CALCOCO1: variants seen among roughly 807,000 people sequenced by gnomAD.
CALCOCO1 encodes the protein calcium binding and coiled-coil domain 1, also known as calcium-binding and coiled-coil domain-containing protein 1.
Under a neutral mutation model 86.3 loss-of-function variants are expected in CALCOCO1, and 44 were observed. That is an observed-to-expected ratio of 0.51 (90% CI 0.40 to 0.66). The LOEUF (loss-of-function observed/expected upper bound fraction) is 0.66, where lower values mean the gene tolerates loss of function less well. Ranked by LOEUF, CALCOCO1 falls within the 30% of genes least tolerant of loss-of-function variation. The pLI, the probability that CALCOCO1 is intolerant of heterozygous loss-of-function variation, is 0.00. For synonymous variants in CALCOCO1, 297 were observed against 327.6 expected (o/e 0.91, Z 1.01); for missense variants, 708 against 851.1 (o/e 0.83, Z 2.09).
chr12:53,712,051 G>A lies in CALCOCO1; in HGVS notation c.1969C>T (p.Pro657Ser), dbSNP rs761372589. The change falls in exon 15 of 15, where the codon CCT becomes TCT. Residue 657 changes from proline (P) to serine (S), a missense_variant. Pro to Ser is a moderately conservative substitution (Grantham distance 74, BLOSUM62 -1). Coordinates refer to ENST00000550804, the MANE Select transcript of CALCOCO1 (RefSeq NM_020898.3). ...GCAGGAAAGCGCTCCTTACAGATAG[G>A]ACACTCCTTCCATGTGGGGGTGGCA... ...GPATPTWKEC[P>S]ICKERFPAES... 1.9e-6 allele frequency: 3 copies of A among 1,612,696 alleles called. No individual in the cohort carries two copies. In the East Asian group the frequency reaches 6.7e-5, roughly 36 times the overall value.
intron 13 of CALCOCO1, among the ~76,000 whole-genome samples, 175 bp from the exon 14 acceptor site, chr12:53,713,381 G>A (rs1029266408): frequency 6.6e-6 from 1 of 152,294 alleles, no homozygotes; most frequent in East Asian, 1.9e-4. Flanking sequence ...GAGAATGACT[G>A]TGGGGGAGAA....
In CALCOCO1 at chr12:53,714,657, G is replaced by T. The variant is rs1945675622; in HGVS notation, c.1423C>A (p.Leu475Met). The change falls in exon 11 of 15, where the codon CTG becomes ATG. Residue 475 changes from leucine to methionine, a missense_variant. Transcript: ENST00000550804. ...LSESKRELTE[L>M]RSALRVLQKE... is the part of the protein sequence containing the mutation. ...TGGAGCACACGCAGGGCTGACCGCA[G>T]CTCTGTCAGCTCCCGCTTACTTTCT... 6.2e-7 allele frequency: 1 copy of T among 1,613,894 alleles called. No individual in the cohort carries two copies. The highest frequency in any genetic ancestry group is 1.7e-5 in the Admixed American group (1 of 59,994).
In CALCOCO1 at chr12:53,711,677, C is replaced by G. The variant is rs1430304316; in HGVS notation, c.*267G>C. The stretch of plus-strand genomic sequence containing the variant: ...CTATTCCCACAGGGGAAGGCCTCCT[C>G]CATCCCGGTTCCTCCAAAACCACTT... On this transcript the variant is annotated 3_prime_UTR_variant, in exon 15 of 15. Coordinates refer to ENST00000550804, the MANE Select transcript of CALCOCO1 (RefSeq NM_020898.3). 5 of 370,940 alleles carry G rather than the reference C, an allele frequency of 1.3e-5. No homozygotes were observed. The highest frequency in any genetic ancestry group is 2.4e-5 in the Non-Finnish European group (5 of 207,390). The allele number at this position is 370,940 out of a possible 1,614,324, so 23.0% of individuals were successfully genotyped here. A position where few individuals can be genotyped will look rare whatever the true frequency, so the allele number is the denominator to read the frequency against.
intron 10 of CALCOCO1, 55 bp downstream of exon 10, chr12:53,715,145 G>A: frequency 6.3e-7 from 1 of 1,595,880 alleles, no homozygotes; most frequent in Non-Finnish European, 8.5e-7. Flanking sequence ...GAGAGAAGGG[G>A]TATGGATGCC....
At chr12:53,718,144 C>G (rs11170660) in intron 7 of CALCOCO1, among the ~76,000 whole-genome samples, 20,638 of 152,230 alleles carry the variant, frequency 0.14, 1,545 homozygotes, top group South Asian at 0.22. Context: ...ATAGTTTCTA[C>G]TGTATTTTCT....
chr12:53,712,262 C>T (rs34489875), intron 14 of CALCOCO1, 141 bp from the exon 15 acceptor site: 40,643 of 663,294 alleles, frequency 0.061, 1,644 homozygotes, highest in Non-Finnish European at 0.08. Flanking sequence ...TCTCCCACAG[C>T]GTCTTTCTCC....
At chr12:53,715,096 T>C (rs1189781191) in intron 10 of CALCOCO1, 104 bp downstream of exon 10, 17 of 1,367,858 alleles carry the variant, frequency 1.2e-5, no homozygotes, top group East Asian at 9.4e-5. Flanking sequence ...CCCAACATGG[T>C]AGTGGACACC....
chr12:53,715,368 A>G (rs1945697059), intron 9 of CALCOCO1, 43 bp from the exon 10 acceptor site: 1 of 1,612,692 alleles, frequency 6.2e-7, no homozygotes, highest in East Asian at 2.2e-5. Context: ...TGGAGGGGGA[A>G]GAAAAAGGAA....
intron 1 of CALCOCO1, chr12:53,725,684 C>T (rs1304057452): frequency 6.5e-6 from 1 of 153,370 alleles, no homozygotes. Context: ...AGAGAGGTGT[C>T]CTTACCTACT....
intron 4 of CALCOCO1, chr12:53,722,842 G>C: frequency 2.4e-6 from 1 of 408,388 alleles, no homozygotes; most frequent in Non-Finnish European, 4.7e-6. Context: ...AGGCTCAAAT[G>C]AGAATCACGA....
At position 53,722,020 on chromosome 12, in the gene CALCOCO1, CCCA is replaced by C. The variant is rs1945885082; in HGVS notation, c.609+2_609+4del. On this transcript the variant is annotated splice_donor_variant and splice_donor_region_variant and intron_variant, in intron 5 of 14. Coordinates refer to ENST00000550804, the MANE Select transcript of CALCOCO1 (RefSeq NM_020898.3). LOFTEE classifies it high-confidence loss of function. ...GCCCTGTCCCCTACCTGGCCCAGCT[CCCA>C]CCTTGTACTGTTCCATCAGCTCCGT... 1.4e-5 allele frequency: 22 copies of C among 1,612,470 alleles called. No homozygotes were observed. Among genetic ancestry groups the C allele is most frequent in the Non-Finnish European group, 1.8e-5 (21 of 1,180,032 alleles).
intron 6 of CALCOCO1, 116 bp downstream of exon 6, chr12:53,721,351 G>C: frequency 2.2e-6 from 2 of 910,174 alleles, no homozygotes; most frequent in South Asian, 3.6e-5. Context: ...GTGAGGGTGA[G>C]AGGGAAAGAG....
rs1945692260 is a variant in CALCOCO1, at chr12:53,715,262, C to A, written c.1324G>T (p.Glu442Ter). ...AACACTTGGTTTTGGGTCCTCTCCT[C>A]CTGAACTGCCTTCTCCAATCGAAGT... is the stretch of plus-strand genomic sequence containing the variant. ...EILRLEKAVQ[E>*]ERTQNQVFKT... The change falls in exon 10 of 15, where the codon GAG becomes TAG. Residue 442 changes from glutamate to a stop codon, truncating the protein, a stop_gained. Transcript: ENST00000550804. LOFTEE classifies it high-confidence loss of function. 3 of 1,614,016 alleles carry A rather than the reference C, an allele frequency of 1.9e-6. No homozygotes were observed. The highest frequency in any genetic ancestry group is 2.2e-5 in the East Asian group (1 of 44,872).
Position 53,719,796 on chromosome 12 carries a change from T to C in CALCOCO1, c.792A>G (p.Glu264=). ...TCAGTTGCCCAAGGAGCTTCTCTTGTTCCCGAGTCAGGGCCTTCACTGTGT... is the reference window on the plus strand; with the variant it reads ...TCAGTTGCCCAAGGAGCTTCTCTTGCTCCCGAGTCAGGGCCTTCACTGTGT... ...LRDTVKALTR[E]QEKLLGQLKE... is the part of the protein sequence containing the mutation. The change falls in exon 7 of 15, where the codon GAA becomes GAG. Residue 264 remains glutamate, a synonymous_variant. Transcript: ENST00000550804. The C allele has an allele frequency of 2.5e-6, 4 of 1,613,818 alleles. No homozygotes were observed. Among genetic ancestry groups the C allele is most frequent in the Non-Finnish European group, 3.4e-6 (4 of 1,179,786 alleles).
chr12:53,722,943 C>CAAAAAAAAA (rs58897806), intron 4 of CALCOCO1: 113 of 194,422 alleles, frequency 5.8e-4, no homozygotes, highest in East Asian at 1.3e-3. Context: ...AAGGCTGTCT[C>CAAAAAAAAA]AAAAAAAAAA....
In CALCOCO1 at chr12:53,713,874, C is replaced by G. The variant is rs761660061; in HGVS notation, c.1618G>C (p.Glu540Gln). ...CTCATGTCTTCTGGGGACTCGTCCT[C>G]TGAGTCTGTCAGAGCTGCCGGGCAG... ...LSCPAALTDS[E>Q]DESPEDMRLP... The change falls in exon 13 of 15, where the codon GAG (glutamate) becomes CAG (glutamine). Residue 540 changes from glutamate (E) to glutamine (Q), a missense_variant. Coordinates refer to ENST00000550804, the MANE Select transcript of CALCOCO1 (RefSeq NM_020898.3). 1 of 1,525,192 alleles carries G rather than the reference C, an allele frequency of 6.6e-7. No homozygotes were observed. Among genetic ancestry groups the G allele is most frequent in the South Asian group, 1.3e-5 (1 of 76,448 alleles). The allele number at this position is 1,525,192 out of a possible 1,614,324, so 94.5% of individuals were successfully genotyped here.
At chr12:53,719,871 C>T (rs760087426) in intron 6 of CALCOCO1, 42 bp from the exon 7 acceptor site, 5 of 1,394,650 alleles carry the variant, frequency 3.6e-6, no homozygotes, top group Non-Finnish European at 5.1e-6. Flanking sequence ...CTGCTCCACC[C>T]AGAGAAGGAA....
At chr12:53,712,992 G>T in intron 14 of CALCOCO1, 108 bp downstream of exon 14, 1 of 1,271,492 alleles carries the variant, frequency 7.9e-7, no homozygotes, top group Non-Finnish European at 1.1e-6. Context: ...TCTTGGCTGA[G>T]GCCAAGAAGG....
At position 53,719,723 on chromosome 12, in the gene CALCOCO1, A is replaced by ACT. The variant is rs1945817982; in HGVS notation, c.849+14_849+15dup. 1 of 1,591,280 alleles carries ACT rather than the reference A, an allele frequency of 6.3e-7. No individual in the cohort carries two copies. Among genetic ancestry groups the ACT allele is most frequent in the South Asian group, 1.1e-5 (1 of 90,270 alleles). On this transcript the variant is annotated intron_variant, in intron 7 of 14. Transcript: ENST00000550804. ...GCTGGACAATGGAGAAAGCAAATCA[A>ACT]CTCTGAGCCCCTTACCTCACTTTGC... is the stretch of plus-strand genomic sequence containing the variant.
Sources: allele counts gnomAD v4.1 joint callset (sites outside exome capture counted in the v4.1 genomes callset), GRCh38; gene constraint gnomAD v4.1.1; transcripts MANE v1.5; gene names NCBI Gene and HGNC (gene_info 2026-07-23, HGNC 2026-07-21).